Variants in MRTFA observed in about 807,000 individuals in gnomAD.
The protein encoded by MRTFA is myocardin related transcription factor A.
MRTFA carries 20 observed loss-of-function variants against 83.5 expected under a neutral mutation model. The observed-to-expected ratio is 0.24, with a 90% CI of 0.17 to 0.35. MRTFA has a LOEUF of 0.35. Ranked by LOEUF, MRTFA falls within the 10% of genes least tolerant of loss-of-function variation. MRTFA has a pLI of 1.00. For missense variants in MRTFA, 1,200 were observed against 1,224.7 expected (o/e 0.98, Z 0.30); for synonymous variants, 659 against 541.2 (o/e 1.22, Z -3.02).
At chr22:40,555,839 CA>C (rs1350477103) in intron 2 of MRTFA, among the ~76,000 whole-genome samples, 1 of 151,632 alleles carries the variant, frequency 6.6e-6, no homozygotes, top group Non-Finnish European at 1.5e-5. Context: ...GGGGTTTCAC[CA>C]ATGTTAGCCA....
intron 1 of MRTFA, among the ~76,000 whole-genome samples, chr22:40,621,182 T>TA (rs764914497): frequency 0.035 from 4,653 of 132,908 alleles, 145 homozygotes; most frequent in Middle Eastern, 0.11. Flanking sequence ...ACTCTGTCTT[T>TA]AAAAAAAAAA....
intron 12 of MRTFA, 120 bp downstream of exon 12, chr22:40,418,254 A>G: frequency 6.7e-7 from 1 of 1,495,236 alleles, no homozygotes; most frequent in Middle Eastern, 2.4e-4. Context: ...GTGAAGGAAG[A>G]TTAAATGAAG....
intron 2 of MRTFA, among the ~76,000 whole-genome samples, chr22:40,562,123 C>T (rs1258632195): frequency 1.3e-5 from 2 of 151,396 alleles, no homozygotes; most frequent in Non-Finnish European, 2.9e-5. Flanking sequence ...AGGCTGAGGC[C>T]GGAGAACGGC....
At chr22:40,577,608 G>A (rs116973859) in intron 2 of MRTFA, among the ~76,000 whole-genome samples, 12,029 of 142,988 alleles carry the variant, frequency 0.084, 703 homozygotes, top group East Asian at 0.25. Flanking sequence ...ATCTACATCT[G>A]ATTTTTTTTT....
At chr22:40,436,122 T>C (rs1395812863) in intron 4 of MRTFA, among the ~76,000 whole-genome samples, 2 of 152,100 alleles carry the variant, frequency 1.3e-5, no homozygotes, top group African/African-American at 4.8e-5. Context: ...CTATATAAAG[T>C]GCACCCATGG....
intron 3 of MRTFA, among the ~76,000 whole-genome samples, chr22:40,505,861 G>A (rs983564064): frequency 6.6e-6 from 1 of 152,158 alleles, no homozygotes; most frequent in Non-Finnish European, 1.5e-5. Context: ...ATTACCCAGT[G>A]TCAGGTATTC....
intron 3 of MRTFA, among the ~76,000 whole-genome samples, chr22:40,467,780 T>C (rs1180321060): frequency 6.6e-6 from 1 of 152,186 alleles, no homozygotes; most frequent in East Asian, 1.9e-4. Flanking sequence ...CCCAAGCCAA[T>C]AAAGACTCAA....
rs561408125 is a variant in MRTFA, at chr22:40,607,702, T to G, written c.-83-12967A>C. 1.4e-3 allele frequency among the ~76,000 whole-genome samples: 208 copies of G among 152,368 alleles called. 1 individual carries two copies. Among genetic ancestry groups the G allele is most frequent in the Middle Eastern group, 0.014 (4 of 294 alleles). Reference sequence around the variant, plus strand: ...ACCTAGCCATCAGTGCAATCTGCATTACAATCTGCATTCATCCATTTCTAT... The same window carrying G: ...ACCTAGCCATCAGTGCAATCTGCATGACAATCTGCATTCATCCATTTCTAT... On this transcript the variant is annotated intron_variant, in intron 1 of 14. Transcript: ENST00000355630.
At chr22:40,573,795 G>T (rs986296339) in intron 2 of MRTFA, among the ~76,000 whole-genome samples, 4 of 152,076 alleles carry the variant, frequency 2.6e-5, no homozygotes, top group African/African-American at 9.7e-5. Flanking sequence ...TTTTCGCTGG[G>T]TGTGATGGCT....
intron 1 of MRTFA, among the ~76,000 whole-genome samples, chr22:40,607,750 G>A (rs1306431349): frequency 6.6e-6 from 1 of 152,138 alleles, no homozygotes; most frequent in Non-Finnish European, 1.5e-5. Flanking sequence ...ATCATACATA[G>A]CCTGGCACAT....
chr22:40,597,479 T>C (rs898637992), intron 1 of MRTFA, among the ~76,000 whole-genome samples: 1 of 152,230 alleles, frequency 6.6e-6, no homozygotes, highest in African/African-American at 2.4e-5. Context: ...TGGTGATCTT[T>C]CTTACTAAAA....
chr22:40,546,972 G>A (rs985451118), intron 3 of MRTFA, among the ~76,000 whole-genome samples: 6 of 151,998 alleles, frequency 3.9e-5, no homozygotes, highest in South Asian at 4.2e-4. Context: ...TGGCTAACAC[G>A]GTGAAACCCT....
intron 14 of MRTFA, among the ~76,000 whole-genome samples, chr22:40,413,818 T>C (rs533245457): frequency 6.6e-6 from 1 of 152,274 alleles, no homozygotes; most frequent in South Asian, 2.1e-4. Flanking sequence ...GATACACAAA[T>C]GGTCAGGCAG....
At chr22:40,527,763 A>C (rs2055003055) in intron 3 of MRTFA, among the ~76,000 whole-genome samples, 2 of 151,846 alleles carry the variant, frequency 1.3e-5, no homozygotes, top group African/African-American at 4.8e-5. Context: ...CATCTTAAAA[A>C]AAAAAAAAAA....
At chr22:40,533,654 C>CA (rs1376454641) in intron 3 of MRTFA, 1 of 1,221,810 alleles carries the variant, frequency 8.2e-7, no homozygotes, top group Non-Finnish European at 1.0e-6. Context: ...CTTCCAGAAA[C>CA]AAAAATCCAC....
intron 3 of MRTFA, among the ~76,000 whole-genome samples, chr22:40,497,050 C>T (rs2054366757): frequency 6.6e-6 from 1 of 152,198 alleles, no homozygotes; most frequent in Admixed American, 6.5e-5. Context: ...GTTGTGGACA[C>T]AGAAAGGTGA....
chr22:40,605,242 T>C (rs2056306184), intron 1 of MRTFA, among the ~76,000 whole-genome samples: 1 of 152,140 alleles, frequency 6.6e-6, no homozygotes. Context: ...GTTTATAATC[T>C]AACAGCACAG....
chr22:40,418,745 C>CGG lies in MRTFA; in HGVS notation c.1991_1992dup (p.Ala665ProfsTer12). ...GTGCCGAGGGGGGCGGGGGCGGGGG[C>CGG]GGGCTGCTGGGCTCGCTTCTCCTGC... is the stretch of plus-strand genomic sequence containing the variant. On this transcript the variant is annotated frameshift_variant, in exon 12 of 15. Transcript: ENST00000355630. LOFTEE classifies it high-confidence loss of function. 1 of 1,450,084 alleles carries CGG rather than the reference C, an allele frequency of 6.9e-7. No homozygotes were observed. The highest frequency in any genetic ancestry group is 1.5e-5 in the African/African-American group (1 of 65,696). The allele number at this position is 1,450,084 out of a possible 1,614,324, so 89.8% of individuals were successfully genotyped here. A position where few individuals can be genotyped will look rare whatever the true frequency, so the allele number is the denominator to read the frequency against.
chr22:40,502,061 T>C (rs1219490569), intron 3 of MRTFA, among the ~76,000 whole-genome samples: 267 of 85,848 alleles, frequency 3.1e-3, no homozygotes, highest in Non-Finnish European at 3.2e-3. Flanking sequence ...CCGGACGGGG[T>C]GGCTGGCCGG....
Sources: gnomAD v4.1 joint callset for allele counts (sites outside exome capture counted in the v4.1 genomes callset) on GRCh38, gnomAD v4.1.1 for gene constraint, MANE v1.5 for transcripts, NCBI Gene and HGNC (gene_info 2026-07-23, HGNC 2026-07-21) for gene names.